RTN3: variants seen among roughly 807,000 people sequenced by gnomAD.
RTN3 encodes reticulon-3.
Under a neutral mutation model 77.8 loss-of-function variants are expected in RTN3, and 49 were observed. That is an observed-to-expected ratio of 0.63 (90% CI 0.50 to 0.80). RTN3 has a LOEUF of 0.80. Among genes scored for constraint, RTN3 ranks in the 30% least tolerant of loss-of-function variants. RTN3 has a pLI of 0.00. For synonymous variants in RTN3, 464 were observed against 446.9 expected, an observed-to-expected ratio of 1.04 and a Z score of -0.48; for missense variants, 1,236 against 1,211.9, an observed-to-expected ratio of 1.02 and a Z score of -0.29.
At position 63,681,596 on chromosome 11, in the gene RTN3, G is replaced by C. The variant is rs906485965; in HGVS notation, c.-41G>C. On this transcript the variant is annotated 5_prime_UTR_variant, in exon 1 of 9. Coordinates refer to ENST00000377819, the MANE Select transcript of RTN3 (RefSeq NM_001265589.2). ...ATTTCCCCTCCCTCTCTCCCGCCCC[G>C]TATCTCTTTTCACCCTTCTCCCACC... is the stretch of plus-strand genomic sequence containing the variant. 1.3e-6 allele frequency: 2 copies of C among 1,543,780 alleles called. No homozygotes were observed. The highest frequency in any genetic ancestry group is 4.1e-5 in the Admixed American group (2 of 48,260).
At chr11:63,728,645 G>A (rs528785844) in intron 3 of RTN3, among the ~76,000 whole-genome samples, 5 of 152,128 alleles carry the variant, frequency 3.3e-5, no homozygotes, top group Admixed American at 6.6e-5. Context: ...ATCCCCACAC[G>A]TTGGAAGGCC....
At chr11:63,693,184 A>C (rs940619929) in intron 1 of RTN3, among the ~76,000 whole-genome samples, 7 of 152,288 alleles carry the variant, frequency 4.6e-5, no homozygotes, top group Middle Eastern at 3.4e-3. Flanking sequence ...AAAAACATGC[A>C]TATTAACAAA....
intron 3 of RTN3, among the ~76,000 whole-genome samples, chr11:63,727,489 G>A (rs1002848324): frequency 6.6e-6 from 1 of 152,158 alleles, no homozygotes; most frequent in Non-Finnish European, 1.5e-5. Context: ...AAAAGAGTCA[G>A]GTGGGGATTC....
chr11:63,704,210 C>T (rs889224198), intron 1 of RTN3, among the ~76,000 whole-genome samples: 5 of 151,810 alleles, frequency 3.3e-5, no homozygotes, highest in Non-Finnish European at 5.9e-5. Flanking sequence ...ACCATGTTGG[C>T]CAGGCTGGTT....
At chr11:63,714,286 A>G (rs2011264727) in intron 2 of RTN3, 1 of 343,766 alleles carries the variant, frequency 2.9e-6, no homozygotes, top group Non-Finnish European at 5.7e-6. Context: ...GGAAAGCTTG[A>G]TTGATAGTAA....
chr11:63,719,559 G>A lies in RTN3; in HGVS notation c.1057G>A (p.Asp353Asn), dbSNP rs1331241032. Residue 353 changes from aspartate to asparagine, a missense_variant, in exon 3 of 9, where the codon GAT becomes AAT. Coordinates refer to ENST00000377819, the MANE Select transcript of RTN3 (RefSeq NM_001265589.2). The part of the protein sequence containing the change: ...DLVPQVKQQT[D>N]KSSDCITKTT... ...GGTTCCCCAAGTGAAACAACAGACC[G>A]ATAAATCTTCTGACTGCATCACAAA... 3 of 1,614,000 alleles carry A rather than the reference G, an allele frequency of 1.9e-6. No individual in the cohort carries two copies. Among genetic ancestry groups the A allele is most frequent in the Admixed American group, 1.7e-5 (1 of 60,000 alleles).
intron 8 of RTN3, among the ~76,000 whole-genome samples, chr11:63,757,516 C>T (rs1356867358): frequency 2.0e-5 from 3 of 151,702 alleles, no homozygotes; most frequent in Non-Finnish European, 4.4e-5. Context: ...ATGTGCCATG[C>T]CCTGGCAAAT....
chr11:63,741,859 CA>C (rs2013501201), intron 3 of RTN3, among the ~76,000 whole-genome samples: 1 of 151,962 alleles, frequency 6.6e-6, no homozygotes, highest in Admixed American at 6.6e-5. Context: ...TTTTCTATAC[CA>C]TTCTATTGCT....
intron 3 of RTN3, 121 bp from the exon 4 acceptor site, chr11:63,749,870 A>G (rs1275999650): frequency 2.6e-6 from 2 of 755,322 alleles, no homozygotes; most frequent in East Asian, 5.4e-5. Flanking sequence ...AAAAAACAAA[A>G]CCAGATTATC....
At chr11:63,753,792 A>G in intron 7 of RTN3, 84 bp downstream of exon 7, 1 of 1,263,276 alleles carries the variant, frequency 7.9e-7, no homozygotes. Flanking sequence ...GAATGTTCAG[A>G]GCAGTCTTTT....
intron 1 of RTN3, among the ~76,000 whole-genome samples, chr11:63,700,954 G>A (rs1461238338): frequency 6.6e-6 from 1 of 151,776 alleles, no homozygotes; most frequent in Non-Finnish European, 1.5e-5. Flanking sequence ...GCCAGGTGTG[G>A]TGGTGCGCGC....
In RTN3 at chr11:63,682,975, T is replaced by C. The variant is rs200575731; in HGVS notation, c.142+1197T>C. 3.9e-5 allele frequency among the ~76,000 whole-genome samples: 6 copies of C among 152,208 alleles called. No homozygotes were observed. In the East Asian group the frequency reaches 7.7e-4, roughly 20 times the overall value. ...GATAATTTTGCTCTCTATTTAGTTA[T>C]GTTAAAGGATTTTGATCATTTTTTT... is the stretch of plus-strand genomic sequence containing the variant. On this transcript the variant is annotated intron_variant, in intron 1 of 8. Transcript: ENST00000377819.
At chr11:63,701,038 C>T (rs1454357568) in intron 1 of RTN3, among the ~76,000 whole-genome samples, 3 of 148,732 alleles carry the variant, frequency 2.0e-5, no homozygotes, top group South Asian at 2.1e-4. Context: ...TGCAGTGATC[C>T]GAGATTGCGC....
At chr11:63,745,211 A>G (rs2013724753) in intron 3 of RTN3, among the ~76,000 whole-genome samples, 1 of 152,158 alleles carries the variant, frequency 6.6e-6, no homozygotes, top group African/African-American at 2.4e-5. Context: ...TTGGTGTTCT[A>G]TACTTGGAAT....
intron 1 of RTN3, among the ~76,000 whole-genome samples, chr11:63,692,961 G>T (rs186304946): frequency 7.2e-5 from 11 of 152,124 alleles, no homozygotes; most frequent in Non-Finnish European, 1.5e-4. Flanking sequence ...AAGAGAGATG[G>T]GGTCTCACCA....
chr11:63,717,200 C>G (rs1037353185), intron 2 of RTN3, among the ~76,000 whole-genome samples: 7 of 151,706 alleles, frequency 4.6e-5, no homozygotes, highest in Non-Finnish European at 2.9e-5. Flanking sequence ...TAAGAAAGCA[C>G]CAGCCCTTGG....
At chr11:63,745,998 A>T (rs917295082) in intron 3 of RTN3, among the ~76,000 whole-genome samples, 1 of 152,144 alleles carries the variant, frequency 6.6e-6, no homozygotes, top group Non-Finnish European at 1.5e-5. Flanking sequence ...TTTAGTAGAG[A>T]CAGGGTTTCG....
In RTN3 at chr11:63,720,382, T is replaced by G. The variant is rs1377053508; in HGVS notation, c.1880T>G (p.Leu627Ter). Reference sequence around the variant, plus strand: ...GTTTTTAATGAGACAGAATTCTCATTAAATGTGACAACATCTGCCTATTTG... The same window carrying G: ...GTTTTTAATGAGACAGAATTCTCATGAAATGTGACAACATCTGCCTATTTG... Reference protein sequence around the residue: ...PNVFNETEFSLNVTTSAYLES... With the variant: ...PNVFNETEFS Residue 627 changes from leucine (L) to a stop codon, truncating the protein, a stop_gained, in exon 3 of 9, where the codon TTA becomes TGA. Coordinates refer to ENST00000377819, the MANE Select transcript of RTN3 (RefSeq NM_001265589.2). LOFTEE classifies it high-confidence loss of function. 1 of 1,614,038 alleles carries G rather than the reference T, an allele frequency of 6.2e-7. No individual in the cohort carries two copies. The highest frequency in any genetic ancestry group is 1.1e-5 in the South Asian group (1 of 91,080).
chr11:63,753,644 C>T lies in RTN3; in HGVS notation c.2948-18C>T, dbSNP rs772378968. 1.2e-6 allele frequency: 2 copies of T among 1,611,348 alleles called. No individual in the cohort carries two copies. Among genetic ancestry groups the T allele is most frequent in the Admixed American group, 3.3e-5 (2 of 60,010 alleles). ...TCTCTCATATACACTTGCCATGTCC[C>T]ATGATTCTGTCTTACAGCTGAACTG... On this transcript the variant is annotated intron_variant, in intron 6 of 8. Coordinates refer to ENST00000377819, the MANE Select transcript of RTN3 (RefSeq NM_001265589.2).
Sources: allele counts gnomAD v4.1 joint callset (sites outside exome capture counted in the v4.1 genomes callset), GRCh38; gene constraint gnomAD v4.1.1; transcripts MANE v1.5; gene names NCBI Gene and HGNC (gene_info 2026-07-23, HGNC 2026-07-21).